The following IQCM variants were observed in gnomAD, a reference collection of about 807,000 sequenced individuals.
IQCM encodes the protein IQ domain-containing protein M.
In IQCM, 45 loss-of-function variants were observed where a neutral mutation model predicts 57.6. The observed-to-expected ratio is 0.78, with a 90% CI of 0.62 to 1.00. The LOEUF (loss-of-function observed/expected upper bound fraction) is 1.00. IQCM is among the 50% of genes least tolerant of loss of function. The pLI is 0.00. For synonymous variants in IQCM, 148 were observed against 158.9 expected (o/e 0.93, Z 0.51); for missense variants, 468 against 511.6 (o/e 0.91, Z 0.82).
intron 13 of IQCM, among the ~76,000 whole-genome samples, chr4:149,421,679 A>G (rs1273695711): frequency 6.6e-6 from 1 of 151,996 alleles, no homozygotes; most frequent in Non-Finnish European, 1.5e-5. Flanking sequence ...TGCTACAGCT[A>G]AATAAACTAT....
At chr4:149,790,084 A>G in intron 2 of IQCM, 1 of 647,296 alleles carries the variant, frequency 1.5e-6, no homozygotes, top group Non-Finnish European at 2.5e-6. Context: ...CTTCATCTGC[A>G]GCATCCTCAC....
chr4:149,471,574 T>C (rs1488900600), intron 12 of IQCM, among the ~76,000 whole-genome samples: 1 of 152,160 alleles, frequency 6.6e-6, no homozygotes, highest in African/African-American at 2.4e-5. Flanking sequence ...TCTGAAAGTA[T>C]TCCAATCAAT....
At chr4:149,691,656 GTTGTT>G (rs1308575604) in intron 5 of IQCM, 1 of 152,060 alleles carries the variant, frequency 6.6e-6, no homozygotes, top group Non-Finnish European at 1.5e-5. Context: ...AATTTTTGTT[GTTGTT>G]TTATTTTTCA....
chr4:149,777,452 T>G (rs1207841675), intron 2 of IQCM, among the ~76,000 whole-genome samples: 1 of 152,208 alleles, frequency 6.6e-6, no homozygotes, highest in Non-Finnish European at 1.5e-5. Flanking sequence ...AATGGATTTC[T>G]AAAAAGATAG....
chr4:149,577,539 G>T (rs1751775903), intron 9 of IQCM, among the ~76,000 whole-genome samples: 1 of 151,982 alleles, frequency 6.6e-6, no homozygotes, highest in Non-Finnish European at 1.5e-5. Context: ...TCAGATGGTT[G>T]TAGGTGTGCG....
chr4:149,582,873 T>A (rs1752337206), intron 9 of IQCM, among the ~76,000 whole-genome samples: 2 of 151,382 alleles, frequency 1.3e-5, no homozygotes, highest in Non-Finnish European at 3.0e-5. Flanking sequence ...AGGTGAGAAA[T>A]TTTAAGATTG....
chr4:149,767,655 C>A (rs148813466), intron 2 of IQCM, among the ~76,000 whole-genome samples: 328 of 152,098 alleles, frequency 2.2e-3, no homozygotes, highest in African/African-American at 7.6e-3. Context: ...GGCCTATGGT[C>A]TTCCCTCACT....
At chr4:149,621,609 A>C (rs1440299303) in intron 7 of IQCM, among the ~76,000 whole-genome samples, 1 of 152,224 alleles carries the variant, frequency 6.6e-6, no homozygotes, top group Admixed American at 6.5e-5. Flanking sequence ...TAAAAATAAA[A>C]GGAAAACCTC....
At chr4:149,410,047 G>A (rs1733263605) in intron 13 of IQCM, among the ~76,000 whole-genome samples, 1 of 152,170 alleles carries the variant, frequency 6.6e-6, no homozygotes, top group African/African-American at 2.4e-5. Flanking sequence ...AGCCAGGCAT[G>A]GCGGTGGGCA....
At chr4:149,785,834 A>T (rs1211555589) in intron 2 of IQCM, among the ~76,000 whole-genome samples, 1 of 150,916 alleles carries the variant, frequency 6.6e-6, no homozygotes, top group African/African-American at 2.4e-5. Context: ...AAAAAAAAAA[A>T]TCTTAGCCCT....
chr4:149,434,214 A>G (rs1432520037), intron 12 of IQCM, among the ~76,000 whole-genome samples: 1 of 152,136 alleles, frequency 6.6e-6, no homozygotes, highest in Non-Finnish European at 1.5e-5. Flanking sequence ...TTCACAGTCT[A>G]TAAATGATGC....
intron 2 of IQCM, among the ~76,000 whole-genome samples, chr4:149,812,480 T>TCA (rs1412777680): frequency 0.024 from 3,296 of 138,734 alleles, 104 homozygotes; most frequent in African/African-American, 0.066. Context: ...TCTCTCTCTC[T>TCA]CACACACACA....
intron 13 of IQCM, among the ~76,000 whole-genome samples, chr4:149,396,216 G>A (rs1732217468): frequency 1.3e-5 from 2 of 151,580 alleles, no homozygotes. Flanking sequence ...TAATTGAATT[G>A]TTATAGTTGT....
intron 8 of IQCM, among the ~76,000 whole-genome samples, chr4:149,591,383 ATAAAATTATAAAATATG>A (rs1753148129): frequency 6.6e-6 from 1 of 152,068 alleles, no homozygotes; most frequent in Non-Finnish European, 1.5e-5. Flanking sequence ...TCCTATTAGC[ATAAAATTATAAAATATG>A]TAATTTATAA....
At chr4:149,478,732 A>G (rs928290554) in intron 12 of IQCM, among the ~76,000 whole-genome samples, 21 of 152,172 alleles carry the variant, frequency 1.4e-4, no homozygotes, top group Admixed American at 3.9e-4. Context: ...GATCCTGTAC[A>G]TGAGAATCTA....
At chr4:149,692,431 T>A (rs1191706990) in intron 5 of IQCM, among the ~76,000 whole-genome samples, 2 of 152,158 alleles carry the variant, frequency 1.3e-5, no homozygotes, top group Non-Finnish European at 2.9e-5. Flanking sequence ...TATGTATGTA[T>A]TTTTTAAATC....
intron 8 of IQCM, among the ~76,000 whole-genome samples, chr4:149,589,042 C>A (rs2150002707): frequency 6.6e-6 from 1 of 151,984 alleles, no homozygotes; most frequent in Non-Finnish European, 1.5e-5. Context: ...CTACAAGACC[C>A]CAGAAAAACT....
intron 13 of IQCM, among the ~76,000 whole-genome samples, chr4:149,416,611 A>G (rs1266641660): frequency 6.6e-6 from 1 of 152,100 alleles, no homozygotes. Flanking sequence ...TATGGCTAGC[A>G]GTGGAGGACA....
At chr4:149,804,881 C>G in intron 2 of IQCM, among the ~76,000 whole-genome samples, 1 of 152,150 alleles carries the variant, frequency 6.6e-6, no homozygotes, top group Middle Eastern at 3.4e-3. Context: ...GTATAAGTAG[C>G]ACATCCCTTT....
Sources: allele counts gnomAD v4.1 joint callset (sites outside exome capture counted in the v4.1 genomes callset), GRCh38; gene constraint gnomAD v4.1.1; transcripts MANE v1.5; gene names NCBI Gene and HGNC (gene_info 2026-07-23, HGNC 2026-07-21).